The following PRKG1 variants were observed in gnomAD, a reference collection of about 807,000 sequenced individuals.
PRKG1 encodes the protein protein kinase cGMP-dependent 1.
In PRKG1, 35 loss-of-function variants were observed where a neutral mutation model predicts 88.1. The ratio of observed to expected loss-of-function variants is 0.40; its 90% CI spans 0.30 to 0.53. The LOEUF (loss-of-function observed/expected upper bound fraction) is 0.53. PRKG1 is among the 20% of genes least tolerant of loss of function. PRKG1 has a pLI of 0.59. For missense variants in PRKG1, 540 were observed against 839.8 expected, an observed-to-expected ratio of 0.64 and a Z score of 4.41; for synonymous variants, 303 against 292.5, an observed-to-expected ratio of 1.04 and a Z score of -0.37.
chr10:52,215,538 T>C (rs931628721), intron 9 of PRKG1, among the ~76,000 whole-genome samples: 3 of 152,208 alleles, frequency 2.0e-5, no homozygotes, highest in African/African-American at 7.2e-5. Flanking sequence ...CAGTGTACTT[T>C]TCAATATCAC....
intron 3 of PRKG1, among the ~76,000 whole-genome samples, chr10:51,803,103 C>CT (rs1839217963): frequency 6.6e-6 from 1 of 152,076 alleles, no homozygotes; most frequent in African/African-American, 2.4e-5. Flanking sequence ...TTCCCAAGTT[C>CT]TTTGTGGCTA....
intron 2 of PRKG1, among the ~76,000 whole-genome samples, chr10:51,445,049 A>G (rs1207104299): frequency 1.3e-5 from 2 of 151,986 alleles, no homozygotes; most frequent in Non-Finnish European, 2.9e-5. Flanking sequence ...AATGTTCTAC[A>G]CTAGTGCTGT....
intron 2 of PRKG1, among the ~76,000 whole-genome samples, chr10:51,233,747 T>G (rs1334716361): frequency 6.6e-6 from 1 of 152,206 alleles, no homozygotes; most frequent in Non-Finnish European, 1.5e-5. Context: ...GAAATCTTCT[T>G]ATACCTTTAA....
At chr10:51,311,288 A>G (rs1841180300) in intron 2 of PRKG1, among the ~76,000 whole-genome samples, 2 of 152,156 alleles carry the variant, frequency 1.3e-5, no homozygotes, top group Non-Finnish European at 1.5e-5. Flanking sequence ...TCTGTGCTCA[A>G]CTGTAAGCTT....
chr10:52,019,738 A>C (rs1845134602), intron 5 of PRKG1, among the ~76,000 whole-genome samples: 1 of 152,218 alleles, frequency 6.6e-6, no homozygotes, highest in South Asian at 2.1e-4. Context: ...TAAAATTACC[A>C]AAATGGGTTT....
chr10:51,221,445 T>A (rs1838527599), intron 2 of PRKG1, among the ~76,000 whole-genome samples: 1 of 152,152 alleles, frequency 6.6e-6, no homozygotes, highest in East Asian at 1.9e-4. Flanking sequence ...AATCTCTCTT[T>A]GTATAAGTTC....
rs552237717 is a variant in PRKG1 at position 52,078,381 on chromosome 10, T to G, written c.935+15750T>G. 3.3e-3 allele frequency among the ~76,000 whole-genome samples: 497 copies of G among 152,320 alleles called. 3 individuals are homozygous for G. Among genetic ancestry groups the G allele is most frequent in the African/African-American group, 0.011 (458 of 41,574 alleles). ...AAAGATAAATGTATGGTTTTTATGT[T>G]TCTAGACCTACCCAAGAATAGTAAG... On this transcript the variant is annotated intron_variant, in intron 7 of 17. Transcript: ENST00000373980.
At chr10:52,283,864 T>C (rs1842055336) in intron 14 of PRKG1, among the ~76,000 whole-genome samples, 1 of 152,004 alleles carries the variant, frequency 6.6e-6, no homozygotes, top group African/African-American at 2.4e-5. Context: ...ATATAATAAA[T>C]AGAAGAAAAC....
chr10:52,084,950 A>G (rs1329932666), intron 7 of PRKG1, among the ~76,000 whole-genome samples: 1 of 151,962 alleles, frequency 6.6e-6, no homozygotes, highest in Non-Finnish European at 1.5e-5. Context: ...CAGAGAAGTT[A>G]TTTATTTTAC....
intron 5 of PRKG1, among the ~76,000 whole-genome samples, chr10:51,947,739 C>T (rs532774803): frequency 1.3e-5 from 2 of 152,260 alleles, no homozygotes; most frequent in African/African-American, 4.8e-5. Flanking sequence ...CAGAGCTGCA[C>T]CAGCCAGGAT....
At chr10:52,173,090 G>A (rs1838754737) in intron 9 of PRKG1, among the ~76,000 whole-genome samples, 1 of 152,074 alleles carries the variant, frequency 6.6e-6, no homozygotes, top group Admixed American at 6.6e-5. Flanking sequence ...TTTATAATGA[G>A]GATATCTCTC....
chr10:51,118,274 A>G (rs1478285416), intron 1 of PRKG1, among the ~76,000 whole-genome samples: 1 of 152,232 alleles, frequency 6.6e-6, no homozygotes, highest in Non-Finnish European at 1.5e-5. Flanking sequence ...AAAATAAAAC[A>G]AAAAATAACT....
intron 8 of PRKG1, among the ~76,000 whole-genome samples, chr10:52,161,563 A>G (rs909440725): frequency 6.6e-6 from 1 of 152,104 alleles, no homozygotes; most frequent in Admixed American, 6.6e-5. Context: ...TTGACTGATT[A>G]ACTTTGTGGT....
At chr10:51,273,186 G>A (rs191604713) in intron 2 of PRKG1, among the ~76,000 whole-genome samples, 1 of 152,042 alleles carries the variant, frequency 6.6e-6, no homozygotes, top group Non-Finnish European at 1.5e-5. Context: ...CTTTCTTCCT[G>A]CAGAACAGCC....
chr10:51,571,727 T>C (rs1317230878), intron 3 of PRKG1, among the ~76,000 whole-genome samples: 3 of 151,908 alleles, frequency 2.0e-5, no homozygotes, highest in Non-Finnish European at 4.4e-5. Flanking sequence ...GAAGCATAGA[T>C]GAGATAACAA....
chr10:51,839,481 G>A (rs929018114), intron 4 of PRKG1, among the ~76,000 whole-genome samples: 1 of 152,168 alleles, frequency 6.6e-6, no homozygotes, highest in African/African-American at 2.4e-5. Context: ...TGGCTGAAAA[G>A]GAAATGTTAT....
chr10:51,465,864 A>T (rs1044395324), intron 2 of PRKG1, among the ~76,000 whole-genome samples: 1 of 152,198 alleles, frequency 6.6e-6, no homozygotes, highest in African/African-American at 2.4e-5. Flanking sequence ...TATGCCAGTG[A>T]TAAGAGCAAG....
At chr10:51,061,060 G>GTGTGTGTGTGTGTGTGT (rs148204735) in intron 1 of PRKG1, among the ~76,000 whole-genome samples, 1 of 147,042 alleles carries the variant, frequency 6.8e-6, no homozygotes, top group Non-Finnish European at 1.5e-5. Context: ...TATACCTAGG[G>GTGTGTGTGTGTGTGTGT]GTGTGTGTGT....
intron 1 of PRKG1, among the ~76,000 whole-genome samples, chr10:51,099,384 G>GACACAC (rs71459403): frequency 0.45 from 66,316 of 148,636 alleles, 15,513 homozygotes; most frequent in South Asian, 0.67. Flanking sequence ...CAGCATTCAA[G>GACACAC]ACACACACAC....
Sources: allele counts gnomAD v4.1 joint callset (sites outside exome capture counted in the v4.1 genomes callset), GRCh38; gene constraint gnomAD v4.1.1; transcripts MANE v1.5; gene names NCBI Gene and HGNC (gene_info 2026-07-23, HGNC 2026-07-21).